ADAMTSL1: variants seen among roughly 807,000 people sequenced by gnomAD.
ADAMTSL1 encodes ADAMTS-like protein 1.
ADAMTSL1 carries 126 observed loss-of-function variants against 201.8 expected under a neutral mutation model. The observed-to-expected ratio is 0.62, with a 90% CI of 0.54 to 0.72. The LOEUF (loss-of-function observed/expected upper bound fraction) is 0.72, where lower values mean the gene tolerates loss of function less well. ADAMTSL1 is among the 30% of genes least tolerant of loss of function. The pLI is 0.00. For missense variants in ADAMTSL1, 2,679 were observed against 2,277.8 expected (o/e 1.18, Z -3.59); for synonymous variants, 1,121 against 903.4 (o/e 1.24, Z -4.32).
chr9:18,824,990 C>A (rs1824454505), intron 21 of ADAMTSL1, among the ~76,000 whole-genome samples: 1 of 152,098 alleles, frequency 6.6e-6, no homozygotes, highest in African/African-American at 2.4e-5. Context: ...GCCATCACGC[C>A]CGGCCAGGAC....
At chr9:18,754,712 A>G (rs1164729868) in intron 16 of ADAMTSL1, among the ~76,000 whole-genome samples, 1 of 152,174 alleles carries the variant, frequency 6.6e-6, no homozygotes, top group Non-Finnish European at 1.5e-5. Context: ...TGGTTTAGTA[A>G]AACACTCAAA....
At chr9:18,097,864 GT>G (rs35042200) in intron 1 of ADAMTSL1, among the ~76,000 whole-genome samples, 5,754 of 146,626 alleles carry the variant, frequency 0.039, 376 homozygotes, top group East Asian at 0.35. Context: ...TATGGTTATT[GT>G]TTTTTTTTTG....
At chr9:17,981,002 A>G (rs1045899395) in intron 1 of ADAMTSL1, among the ~76,000 whole-genome samples, 1 of 152,144 alleles carries the variant, frequency 6.6e-6, no homozygotes, top group African/African-American at 2.4e-5. Context: ...TAGTGGAGGG[A>G]GAACTCACTC....
At chr9:18,734,742 G>T (rs564603874) in intron 15 of ADAMTSL1, among the ~76,000 whole-genome samples, 6 of 152,102 alleles carry the variant, frequency 3.9e-5, no homozygotes, top group Non-Finnish European at 8.8e-5. Flanking sequence ...CTTAGAGCTG[G>T]TAAAATATTT....
At chr9:18,393,944 C>A (rs1233539540) in intron 2 of ADAMTSL1, among the ~76,000 whole-genome samples, 1 of 152,156 alleles carries the variant, frequency 6.6e-6, no homozygotes, top group East Asian at 1.9e-4. Flanking sequence ...AAACAAATAT[C>A]CTAATGTGTA....
At chr9:18,612,414 C>T (rs1825437481) in intron 4 of ADAMTSL1, among the ~76,000 whole-genome samples, 1 of 152,040 alleles carries the variant, frequency 6.6e-6, no homozygotes, top group Non-Finnish European at 1.5e-5. Context: ...TGTGGTGTTG[C>T]CTATAGGCTG....
At chr9:18,598,301 C>A (rs951193917) in intron 4 of ADAMTSL1, among the ~76,000 whole-genome samples, 2 of 152,156 alleles carry the variant, frequency 1.3e-5, no homozygotes, top group Admixed American at 1.3e-4. Context: ...TACCCGAAGT[C>A]TCTCAACTAG....
At chr9:18,761,768 A>T (rs1820083670) in intron 16 of ADAMTSL1, among the ~76,000 whole-genome samples, 1 of 152,176 alleles carries the variant, frequency 6.6e-6, no homozygotes, top group Non-Finnish European at 1.5e-5. Flanking sequence ...ACAATTTTTT[A>T]AAATTTCTAA....
At chr9:18,051,279 C>T (rs144785055) in intron 1 of ADAMTSL1, among the ~76,000 whole-genome samples, 1,832 of 151,904 alleles carry the variant, frequency 0.012, 32 homozygotes, top group African/African-American at 0.042. Context: ...CCAGGCTGGG[C>T]GACAGAGCAA....
intron 4 of ADAMTSL1, among the ~76,000 whole-genome samples, chr9:18,583,074 G>A (rs1823220329): frequency 6.6e-6 from 1 of 152,096 alleles, no homozygotes; most frequent in Admixed American, 6.5e-5. Context: ...ATGTTTATAA[G>A]CAGCGTGAAA....
chr9:18,626,823 T>G (rs1826386309), intron 5 of ADAMTSL1, among the ~76,000 whole-genome samples: 1 of 143,340 alleles, frequency 7.0e-6, no homozygotes, highest in Non-Finnish European at 1.5e-5. Flanking sequence ...CTTTCTTTCT[T>G]TCTTTCTTAC....
intron 15 of ADAMTSL1, among the ~76,000 whole-genome samples, chr9:18,735,184 G>A (rs1818432232): frequency 6.6e-6 from 1 of 152,180 alleles, no homozygotes; most frequent in African/African-American, 2.4e-5. Context: ...ATGTATTTAT[G>A]TTGCATTTCA....
In ADAMTSL1 at chr9:18,785,995, C is replaced by T. The variant is rs117821064; in HGVS notation, c.3677+8089C>T. 6.4e-3 allele frequency among the ~76,000 whole-genome samples: 979 copies of T among 152,304 alleles called. 7 individuals carry two copies. The highest frequency in any genetic ancestry group is 0.01 in the Non-Finnish European group (693 of 68,018). On this transcript the variant is annotated intron_variant, in intron 19 of 28. Transcript: ENST00000380548. The stretch of plus-strand genomic sequence containing the variant: ...TTGCTTACCACTTAACACTATTGAA[C>T]CAGGAGTAACCCAAAATCACAGATT...
intron 1 of ADAMTSL1, among the ~76,000 whole-genome samples, chr9:18,483,246 T>C (rs1455595114): frequency 3.9e-5 from 6 of 152,228 alleles, no homozygotes; most frequent in Non-Finnish European, 5.9e-5. Flanking sequence ...AGCCCTTTCA[T>C]TTTGCAGATA....
chr9:18,309,713 G>C (rs1834044341), intron 2 of ADAMTSL1, among the ~76,000 whole-genome samples: 1 of 151,868 alleles, frequency 6.6e-6, no homozygotes, highest in Non-Finnish European at 1.5e-5. Flanking sequence ...AGCATTCCAT[G>C]CTCATGGATA....
chr9:18,842,301 T>C (rs1825771855), intron 23 of ADAMTSL1, among the ~76,000 whole-genome samples: 2 of 152,182 alleles, frequency 1.3e-5, no homozygotes, highest in Admixed American at 1.3e-4. Flanking sequence ...ATGTACCCAG[T>C]AGTCATTCAG....
chr9:18,813,751 C>T (rs1340010024), intron 20 of ADAMTSL1, among the ~76,000 whole-genome samples: 1 of 152,198 alleles, frequency 6.6e-6, no homozygotes, highest in Non-Finnish European at 1.5e-5. Flanking sequence ...ATCATGCCAT[C>T]TGCAAACAAG....
intron 1 of ADAMTSL1, among the ~76,000 whole-genome samples, chr9:18,494,392 A>C (rs552201670): frequency 6.6e-6 from 1 of 152,040 alleles, no homozygotes. Context: ...GATTCTACCT[A>C]GAGATAAGAG....
chr9:18,333,621 A>G (rs1835117956), intron 2 of ADAMTSL1, among the ~76,000 whole-genome samples: 1 of 152,204 alleles, frequency 6.6e-6, no homozygotes, highest in African/African-American at 2.4e-5. Flanking sequence ...GTAAAAAGTT[A>G]GAGAAACAGG....
Sources: gnomAD v4.1 joint callset for allele counts (sites outside exome capture counted in the v4.1 genomes callset) on GRCh38, gnomAD v4.1.1 for gene constraint, MANE v1.5 for transcripts, NCBI Gene and HGNC (gene_info 2026-07-23, HGNC 2026-07-21) for gene names.